Variants in EPRS1 observed in about 807,000 individuals in gnomAD.
EPRS1 encodes bifunctional glutamate/proline--tRNA ligase.
EPRS1 carries 107 observed loss-of-function variants against 188.3 expected under a neutral mutation model. That is an observed-to-expected ratio of 0.57 (90% CI 0.49 to 0.67). The LOEUF (loss-of-function observed/expected upper bound fraction) is 0.67, where lower values mean the gene tolerates loss of function less well. Ranked by LOEUF, EPRS1 falls within the 30% of genes least tolerant of loss-of-function variation. The pLI, the probability that EPRS1 is intolerant of heterozygous loss-of-function variation, is 0.00. For synonymous variants in EPRS1, 596 were observed against 593.1 expected, an observed-to-expected ratio of 1.00 and a Z score of -0.07; for missense variants, 1,577 against 1,802.2, an observed-to-expected ratio of 0.88 and a Z score of 2.26.
chr1:220,024,133 C>T (rs945373134), intron 8 of EPRS1, 131 bp downstream of exon 8: 2 of 619,152 alleles, frequency 3.2e-6, no homozygotes, highest in African/African-American at 1.9e-5. Context: ...GCCCAGGCAA[C>T]AGAGCGAGAC....
intron 12 of EPRS1, among the ~76,000 whole-genome samples, chr1:220,017,100 C>A (rs1358072728): frequency 1.3e-5 from 2 of 152,058 alleles, no homozygotes; most frequent in African/African-American, 4.8e-5. Context: ...GTAGTCCCAG[C>A]TACTCAAGAG....
chr1:220,034,660 A>G (rs1662144497), intron 3 of EPRS1, among the ~76,000 whole-genome samples: 1 of 152,198 alleles, frequency 6.6e-6, no homozygotes, highest in South Asian at 2.1e-4. Flanking sequence ...GAATCTGTGA[A>G]GGCCAAGATG....
intron 23 of EPRS1, among the ~76,000 whole-genome samples, chr1:219,982,353 A>G (rs1660915291): frequency 6.6e-6 from 1 of 152,178 alleles, no homozygotes; most frequent in African/African-American, 2.4e-5. Flanking sequence ...GAATAACACG[A>G]GATGACGTAA....
chr1:220,010,883 C>CT, intron 13 of EPRS1, 63 bp downstream of exon 13: 1 of 933,432 alleles, frequency 1.1e-6, no homozygotes, highest in Middle Eastern at 2.2e-4. Context: ...GCACATTTTC[C>CT]TTTTTATTTC....
intron 1 of EPRS1, among the ~76,000 whole-genome samples, chr1:220,045,334 A>G (rs1010066348): frequency 6.6e-6 from 1 of 152,100 alleles, no homozygotes; most frequent in Non-Finnish European, 1.5e-5. Flanking sequence ...CCATCTTTCC[A>G]AAAAAGACAC....
intron 6 of EPRS1, among the ~76,000 whole-genome samples, chr1:220,026,581 A>G (rs1034961892): frequency 3.3e-5 from 5 of 151,152 alleles, no homozygotes; most frequent in African/African-American, 1.2e-4. Flanking sequence ...CCCAGGCTGG[A>G]GTGCAGTGGC....
intron 1 of EPRS1, among the ~76,000 whole-genome samples, chr1:220,043,860 T>C (rs1662347581): frequency 6.6e-6 from 1 of 152,176 alleles, no homozygotes; most frequent in Non-Finnish European, 1.5e-5. Flanking sequence ...GACAATCAGA[T>C]GCAAACAAAG....
Position 219,982,859 on chromosome 1 carries a change from T to A in EPRS1, c.3301-15A>T. The A allele has an allele frequency of 6.2e-7, 1 of 1,610,958 alleles. No individual in the cohort carries two copies. ...ACCCAAGCAACCTAGTAAGAAAAAA[T>A]CATTTTTCATACTTTTTTTTCAATA... On this transcript the variant is annotated splice_polypyrimidine_tract_variant and intron_variant, in intron 22 of 31. Transcript: ENST00000366923.
chr1:220,032,285 A>T, intron 5 of EPRS1, 102 bp downstream of exon 5: 1 of 812,888 alleles, frequency 1.2e-6, no homozygotes, highest in Admixed American at 3.8e-5. Context: ...ATGCGGTTTC[A>T]CCGTGTTATT....
chr1:220,044,699 A>AAAAAAC (rs1187104264), intron 1 of EPRS1, among the ~76,000 whole-genome samples: 3 of 126,810 alleles, frequency 2.4e-5, no homozygotes, highest in African/African-American at 1.1e-4. Flanking sequence ...AAAAAAAAAA[A>AAAAAAC]AAAAAAAAAA....
At chr1:220,040,587 A>G (rs1321953506) in intron 1 of EPRS1, among the ~76,000 whole-genome samples, 4 of 152,262 alleles carry the variant, frequency 2.6e-5, no homozygotes, top group Non-Finnish European at 1.5e-5. Flanking sequence ...ATGGTGGCTC[A>G]TGCCTATAAT....
rs1014858655 is a variant in EPRS1, at chr1:220,022,508, C to A, written c.954G>T (p.Lys318Asn). The change falls in exon 9 of 32, where the codon AAG becomes AAT. Residue 318 changes from lysine to asparagine, a missense_variant. Lys to Asn is a moderately conservative substitution (Grantham distance 94). This residue lies in a region of EPRS1 where 1,278 missense variants were observed against 1,457.4 expected (regional missense o/e 0.88). Transcript: ENST00000366923. ...DSKHRKNPIE[K>N]NLQMWEEMKK... ...TCATTTCTTCCCACATTTGTAGATTCTTCTCAATAGCTATAAAATGATAAT... is the reference window on the plus strand; with the variant it reads ...TCATTTCTTCCCACATTTGTAGATTATTCTCAATAGCTATAAAATGATAAT... The A allele has an allele frequency of 2.5e-6, 4 of 1,611,448 alleles. No homozygotes were observed. Among genetic ancestry groups the A allele is most frequent in the Non-Finnish European group, 3.4e-6 (4 of 1,178,698 alleles).
chr1:219,990,252 C>T (rs1014216981), intron 18 of EPRS1, among the ~76,000 whole-genome samples: 2 of 151,956 alleles, frequency 1.3e-5, no homozygotes, highest in South Asian at 4.2e-4. Flanking sequence ...CATATATTTC[C>T]CCTCCCATTA....
intron 18 of EPRS1, among the ~76,000 whole-genome samples, chr1:219,990,800 G>C (rs368766227): frequency 1.3e-5 from 2 of 152,210 alleles, no homozygotes; most frequent in Middle Eastern, 3.4e-3. Flanking sequence ...TAGTTTTCTG[G>C]ATCAAAAGGC....
intron 4 of EPRS1, among the ~76,000 whole-genome samples, chr1:220,033,067 C>T (rs932176278): frequency 2.0e-5 from 3 of 152,084 alleles, no homozygotes; most frequent in Non-Finnish European, 2.9e-5. Flanking sequence ...AAGGAAGTGA[C>T]CTCCAAGAAA....
At position 219,988,797 on chromosome 1, in the gene EPRS1, G is replaced by C. The variant is rs1456942992; in HGVS notation, c.2568C>G (p.Cys856Trp). ...TATACTGAGCCTTCAGGGACAGTAAGCATTCTACAGCTTCATTTATTTTAG... is the reference window on the plus strand; with the variant it reads ...TATACTGAGCCTTCAGGGACAGTAACCATTCTACAGCTTCATTTATTTTAG... ...PKAKINEAVE[C>W]LLSLKAQYKE... is the part of the protein sequence containing the mutation. Residue 856 changes from cysteine to tryptophan, a missense_variant, in exon 19 of 32, where the codon TGC becomes TGG. Cys to Trp is a radical substitution (Grantham distance 215). Coordinates refer to ENST00000366923, the MANE Select transcript of EPRS1 (RefSeq NM_004446.3). 4 of 1,603,378 alleles carry C rather than the reference G, an allele frequency of 2.5e-6. No individual in the cohort carries two copies. The highest frequency in any genetic ancestry group is 3.4e-6 in the Non-Finnish European group (4 of 1,173,782).
At chr1:220,010,068 C>T (rs1297257630) in intron 13 of EPRS1, among the ~76,000 whole-genome samples, 2 of 131,018 alleles carry the variant, frequency 1.5e-5, no homozygotes, top group African/African-American at 5.8e-5. Context: ...TGCACTCCAA[C>T]CTGGGCCACA....
chr1:220,003,361 T>G (rs1336058450), intron 16 of EPRS1, among the ~76,000 whole-genome samples: 1 of 152,218 alleles, frequency 6.6e-6, no homozygotes, highest in Non-Finnish European at 1.5e-5. Context: ...TCTCCCATTC[T>G]GTGACTTATC....
At position 219,984,261 on chromosome 1, in the gene EPRS1, C is replaced by A. The variant is rs1271285086; in HGVS notation, c.3039-4G>T. On this transcript the variant is annotated splice_region_variant and splice_polypyrimidine_tract_variant and intron_variant, in intron 20 of 31. Coordinates refer to ENST00000366923, the MANE Select transcript of EPRS1 (RefSeq NM_004446.3). ...TTTTTTTGCCTCAAGACCCAACCTG[C>A]AGATGTGAAAAGTAAAAGATAAATA... 6.2e-7 allele frequency: 1 copy of A among 1,609,964 alleles called. No homozygotes were observed. The highest frequency in any genetic ancestry group is 1.7e-5 in the Admixed American group (1 of 59,986).
Sources: allele counts gnomAD v4.1 joint callset (sites outside exome capture counted in the v4.1 genomes callset), GRCh38; gene constraint gnomAD v4.1.1; regional missense constraint gnomAD v4.1.1; transcripts MANE v1.5; gene names NCBI Gene and HGNC (gene_info 2026-07-23, HGNC 2026-07-21).